DHRSX: variants seen among roughly 807,000 people sequenced by gnomAD.
The protein encoded by DHRSX is polyprenol dehydrogenase.
A neutral mutation model predicts 34.0 loss-of-function variants in DHRSX; 31 were observed. The ratio of observed to expected loss-of-function variants is 0.91; its 90% confidence interval spans 0.69 to 1.23. The LOEUF is 1.23. Among genes scored for constraint, DHRSX ranks in the 50% most tolerant of loss-of-function variants. The probability of loss-of-function intolerance (pLI) is 0.00; values close to 1 mark genes in which losing one functional copy is unlikely to be tolerated. For synonymous variants in DHRSX, 201 were observed against 183.8 expected, an observed-to-expected ratio of 1.09 and a Z score of -0.76; for missense variants, 414 against 428.1, an observed-to-expected ratio of 0.97 and a Z score of 0.29.
intron 3 of DHRSX, among the ~76,000 whole-genome samples, chrX:2,314,483 A>AAGGGGAGAAGGGAGGGAAGGAAGGAAGGG (rs1556466908): frequency 2.2e-5 from 1 of 45,982 alleles, no homozygotes; most frequent in Non-Finnish European, 4.7e-5. Context: ...GGAAGGAAGG[A>AAGGGGAGAAGGGAGGGAAGGAAGGAAGGG]AGGAAGGGAG....
chrX:2,458,027 G>A (rs1419756695), intron 1 of DHRSX, among the ~76,000 whole-genome samples: 2 of 151,994 alleles, frequency 1.3e-5, no homozygotes, highest in Admixed American at 6.6e-5. Flanking sequence ...GCGGCCAAGG[G>A]ACTGCCGCCA....
At chrX:2,395,039 G>T (rs1238265142) in intron 3 of DHRSX, among the ~76,000 whole-genome samples, 1 of 152,086 alleles carries the variant, frequency 6.6e-6, no homozygotes, top group East Asian at 1.9e-4. Flanking sequence ...CCCAGGTGAG[G>T]ATCAGTGGTC....
chrX:2,424,707 TACA>T, intron 2 of DHRSX, among the ~76,000 whole-genome samples: 1 of 152,130 alleles, frequency 6.6e-6, no homozygotes, highest in East Asian at 1.9e-4. Context: ...TCCAAAAGGG[TACA>T]ACAATTTTCT....
intron 3 of DHRSX, among the ~76,000 whole-genome samples, chrX:2,361,909 G>C (rs1200631791): frequency 2.0e-5 from 3 of 152,142 alleles, no homozygotes; most frequent in East Asian, 1.9e-4. Context: ...ATTAATTACA[G>C]AGTGTGGCTG....
intron 5 of DHRSX, among the ~76,000 whole-genome samples, chrX:2,265,164 C>T (rs1390002784): frequency 1.5e-5 from 2 of 134,412 alleles, no homozygotes; most frequent in Non-Finnish European, 3.2e-5. Context: ...CAGTGTCCAG[C>T]AGACGCAGGG....
At chrX:2,477,155 A>T (rs780811100) in intron 1 of DHRSX, among the ~76,000 whole-genome samples, 1 of 152,152 alleles carries the variant, frequency 6.6e-6, no homozygotes, top group Non-Finnish European at 1.5e-5. Flanking sequence ...ATTCCTTTCA[A>T]TGTAGAAGCT....
rs1262578588 is a variant in DHRSX, at chrX:2,493,612, A to G, written c.109+7205T>C. Reference sequence around the variant, plus strand: ...ACCAGTAACAAAGGTTTATATTCTAATTATTATTGTTACGGTTGTTATTAT... The same window carrying G: ...ACCAGTAACAAAGGTTTATATTCTAGTTATTATTGTTACGGTTGTTATTAT... On this transcript the variant is annotated intron_variant, in intron 1 of 6. Transcript: ENST00000334651. 2.6e-5 allele frequency among the ~76,000 whole-genome samples: 4 copies of G among 151,116 alleles called. No individual in the cohort carries two copies. The East Asian group carries it at 5.9e-4, about 22-fold the overall frequency.
intron 3 of DHRSX, among the ~76,000 whole-genome samples, chrX:2,408,394 A>G (rs2043585543): frequency 6.6e-6 from 1 of 151,854 alleles, no homozygotes; most frequent in Non-Finnish European, 1.5e-5. Flanking sequence ...TAAGTCAAGA[A>G]CTCCCAACCA....
intron 6 of DHRSX, among the ~76,000 whole-genome samples, chrX:2,235,739 GAAAA>G (rs765422799): frequency 3.1e-5 from 4 of 130,742 alleles, no homozygotes; most frequent in Admixed American, 7.9e-5. Flanking sequence ...CATCTCAGGG[GAAAA>G]AAAAAAAAAA....
chrX:2,240,902 C>T (rs768985060), intron 6 of DHRSX, among the ~76,000 whole-genome samples: 1 of 152,250 alleles, frequency 6.6e-6, no homozygotes, highest in South Asian at 2.1e-4. Flanking sequence ...TCAAGGAGGA[C>T]AGGCACGGTG....
At chrX:2,357,695 G>T (rs2042873164) in intron 3 of DHRSX, among the ~76,000 whole-genome samples, 1 of 131,186 alleles carries the variant, frequency 7.6e-6, no homozygotes, top group South Asian at 2.4e-4. Flanking sequence ...TGGGACTCAG[G>T]AAATTAAAAA....
chrX:2,462,523 A>G (rs2044417425), intron 1 of DHRSX, among the ~76,000 whole-genome samples: 1 of 115,138 alleles, frequency 8.7e-6, no homozygotes, highest in Non-Finnish European at 1.7e-5. Flanking sequence ...CAACAAGAGC[A>G]AAACTCCATC....
At chrX:2,242,709 G>A (rs1407045913) in intron 6 of DHRSX, among the ~76,000 whole-genome samples, 2 of 152,014 alleles carry the variant, frequency 1.3e-5, no homozygotes, top group Admixed American at 6.6e-5. Flanking sequence ...CAAATGCCAC[G>A]GCAATGTCAG....
At chrX:2,429,662 C>G (rs1254597762) in intron 1 of DHRSX, among the ~76,000 whole-genome samples, 1 of 151,832 alleles carries the variant, frequency 6.6e-6, no homozygotes, top group Admixed American at 6.6e-5. Context: ...TGCTGTGTTG[C>G]CCAGACCGGT....
intron 1 of DHRSX, among the ~76,000 whole-genome samples, chrX:2,484,961 C>T (rs1016604711): frequency 2.0e-5 from 3 of 152,042 alleles, no homozygotes; most frequent in Admixed American, 6.6e-5. Context: ...CTAAAACATC[C>T]GAAACCTTTT....
intron 3 of DHRSX, among the ~76,000 whole-genome samples, chrX:2,365,593 C>T (rs1166763973): frequency 2.6e-5 from 4 of 152,094 alleles, no homozygotes; most frequent in Non-Finnish European, 5.9e-5. Flanking sequence ...CTTGGGGCTA[C>T]CAAGCTCTGA....
intron 5 of DHRSX, among the ~76,000 whole-genome samples, chrX:2,259,046 G>T (rs1420359405): frequency 3.3e-5 from 5 of 152,122 alleles, no homozygotes; most frequent in African/African-American, 1.2e-4. Flanking sequence ...AGGCCGAGGC[G>T]AGAGGATCAC....
At chrX:2,273,194 A>AAAAT (rs1273721902) in intron 4 of DHRSX, among the ~76,000 whole-genome samples, 1 of 152,178 alleles carries the variant, frequency 6.6e-6, no homozygotes, top group African/African-American at 2.4e-5. Context: ...CTCCATCTCA[A>AAAAT]AAATAAATAA....
intron 1 of DHRSX, chrX:2,490,486 G>C: frequency 6.2e-7 from 1 of 1,613,990 alleles, no homozygotes; most frequent in Non-Finnish European, 8.5e-7. Flanking sequence ...TGCTCTTGAC[G>C]AACTCGCAGA....
Sources: gnomAD v4.1 joint callset for allele counts (sites outside exome capture counted in the v4.1 genomes callset) on GRCh38, gnomAD v4.1.1 for gene constraint, MANE v1.5 for transcripts, NCBI Gene and HGNC (gene_info 2026-07-23, HGNC 2026-07-21) for gene names.